Variants in MIA2 observed in about 807,000 individuals in gnomAD.
The protein encoded by MIA2 is MIA SH3 domain ER export factor 2.
MIA2 carries 127 observed loss-of-function variants against 167.8 expected under a neutral mutation model. The ratio of observed to expected loss-of-function variants is 0.76; its 90% CI spans 0.66 to 0.88. MIA2 has a LOEUF of 0.88. Among genes scored for constraint, MIA2 ranks in the 40% least tolerant of loss-of-function variants. The pLI is 0.00. For missense variants in MIA2, 1,690 were observed against 1,624.7 expected (o/e 1.04, Z -0.69); for synonymous variants, 552 against 541.9 (o/e 1.02, Z -0.26).
chr14:39,346,819 T>A lies in MIA2; in HGVS notation c.3778+793T>A, dbSNP rs147190556. The A allele has an allele frequency of 2.5e-3, 552 of 216,804 alleles. 3 individuals carry two copies. Among genetic ancestry groups the A allele is most frequent in the South Asian group, 8.3e-3 (133 of 16,110 alleles). 13.4% of individuals were successfully genotyped at this position (216,804 alleles called of 1,614,324 possible). A position where few individuals can be genotyped will look rare whatever the true frequency, so the allele number is the denominator to read the frequency against. ...TGAGGTTTCGACATGTTGTTGAGGC[T>A]GGTCTTGAACTCCTGGGCTCAAGCA... is the stretch of plus-strand genomic sequence containing the variant. On this transcript the variant is annotated intron_variant, in intron 26 of 28. Transcript: ENST00000640607.
chr14:39,274,491 T>C (rs12888153), intron 6 of MIA2, among the ~76,000 whole-genome samples: 138,616 of 148,970 alleles, frequency 0.93, 64,586 homozygotes, highest in East Asian at 0.96. Flanking sequence ...TGCAGTGGCG[T>C]GTTCTTGGCT....
At chr14:39,234,277 A>C (rs759321299) in intron 1 of MIA2, 48 bp downstream of exon 1, 1 of 1,193,014 alleles carries the variant, frequency 8.4e-7, no homozygotes, top group Non-Finnish European at 1.2e-6. Context: ...GAGGCTCTGC[A>C]ATGACATAAA....
downstream of MIA2, chr14:39,350,726 A>G (rs1326457682): frequency 3.3e-5 from 5 of 152,806 alleles, no homozygotes; most frequent in African/African-American, 1.2e-4. Context: ...TCCTTTTACC[A>G]ATAACTTTGA....
chr14:39,248,202 A>T, intron 4 of MIA2, 61 bp downstream of exon 4: 2 of 1,190,124 alleles, frequency 1.7e-6, no homozygotes, highest in Non-Finnish European at 2.2e-6. Flanking sequence ...TTATTTTTAT[A>T]AGTGCAAATC....
At chr14:39,299,068 TAAAAAAAAAAAAAAAAAA>T (rs3065043) in intron 13 of MIA2, among the ~76,000 whole-genome samples, 3 of 44,004 alleles carry the variant, frequency 6.8e-5, no homozygotes, top group Admixed American at 3.8e-4. Flanking sequence ...TCCCTGCCTC[TAAAAAAAAAAAAAAAAAA>T]AAAAAAAAAA....
intron 26 of MIA2, 61 bp downstream of exon 26, chr14:39,346,087 A>G: frequency 7.0e-7 from 1 of 1,435,500 alleles, no homozygotes; most frequent in Non-Finnish European, 9.7e-7. Flanking sequence ...AAGAACTGGA[A>G]GTTAGAATAA....
intron 9 of MIA2, among the ~76,000 whole-genome samples, chr14:39,289,363 C>T (rs1570133): frequency 0.35 from 52,473 of 151,772 alleles, 10,797 homozygotes; most frequent in Non-Finnish European, 0.46. Context: ...TACGAGTACA[C>T]GTCACCACGC....
In MIA2 at chr14:39,298,465, C is replaced by T. The variant is rs540314465; in HGVS notation, c.2497-1399C>T. Among the ~76,000 whole-genome samples the T allele has an allele frequency of 3.0e-4, 6 of 19,834 alleles. 1 individual carries two copies. In the East Asian group the frequency reaches 9.3e-3, roughly 31 times the overall value. 13.0% of individuals were successfully genotyped at this position (19,834 alleles called of 152,430 possible). A position where few individuals can be genotyped will look rare whatever the true frequency, so the allele number is the denominator to read the frequency against. On this transcript the variant is annotated intron_variant, in intron 13 of 28. Coordinates refer to ENST00000640607, the MANE Select transcript of MIA2 (RefSeq NM_001329214.4). ...TATAAAGATTAGTTTTTCATGTGTTCGGAATACGCTAATGAAGCCTTAGTT... is the reference window on the plus strand; with the variant it reads ...TATAAAGATTAGTTTTTCATGTGTTTGGAATACGCTAATGAAGCCTTAGTT...
At chr14:39,271,556 C>CA (rs552278884) in intron 6 of MIA2, among the ~76,000 whole-genome samples, 49 of 151,826 alleles carry the variant, frequency 3.2e-4, no homozygotes, top group Non-Finnish European at 6.8e-4. Flanking sequence ...TCCATTTCTG[C>CA]AAAAAAGGCA....
chr14:39,386,916 G>A (rs926847019), exon 24 of MIA2: 11 of 779,578 alleles, frequency 1.4e-5, no homozygotes, highest in East Asian at 2.5e-5. Context: ...CAGGAGCCCC[G>A]GCTTCAGGTA....
intron 23 of MIA2, chr14:39,386,316 G>T: frequency 6.7e-7 from 1 of 1,486,744 alleles, no homozygotes; most frequent in South Asian, 1.1e-5. Context: ...ACTGTGCTGG[G>T]ACCATCACTG....
chr14:39,324,491 A>G (rs1444702211), intron 24 of MIA2, among the ~76,000 whole-genome samples: 4 of 152,270 alleles, frequency 2.6e-5, no homozygotes, highest in African/African-American at 4.8e-5. Context: ...AGATTACTAT[A>G]TATTAAATGT....
rs1243468701 is a variant in MIA2 at position 39,234,179 on chromosome 14, G to A, written c.65G>A (p.Ser22Asn). The stretch of plus-strand genomic sequence containing the variant: ...ATTTCTCTGACAAAGTGTCTGGAGA[G>A]TACAAAACTGCTGGCAGACCTTAAA... The part of the protein sequence containing the change: ...LAISLTKCLE[S>N]TKLLADLKKC... Residue 22 changes from serine to asparagine, a missense_variant, in exon 1 of 29, where the codon AGT (serine) becomes AAT (asparagine). Ser to Asn is a conservative substitution (Grantham distance 46). Transcript: ENST00000640607. 1.9e-6 allele frequency: 3 copies of A among 1,610,056 alleles called. No individual in the cohort carries two copies. The highest frequency in any genetic ancestry group is 2.5e-6 in the Non-Finnish European group (3 of 1,178,524).
intron 23 of MIA2, among the ~76,000 whole-genome samples, chr14:39,359,492 G>T (rs2074623386): frequency 6.6e-6 from 1 of 152,162 alleles, no homozygotes; most frequent in Non-Finnish European, 1.5e-5. Flanking sequence ...CTGACTCCTT[G>T]CGCTTCCCAG....
At chr14:39,284,045 T>G (rs1220618478) in intron 9 of MIA2, among the ~76,000 whole-genome samples, 1 of 152,178 alleles carries the variant, frequency 6.6e-6, no homozygotes, top group African/African-American at 2.4e-5. Flanking sequence ...TTGCAAAAGC[T>G]TTTTAGTTTG....
chr14:39,260,617 A>G (rs535149142), intron 6 of MIA2, among the ~76,000 whole-genome samples: 13 of 152,342 alleles, frequency 8.5e-5, no homozygotes, highest in African/African-American at 3.1e-4. Context: ...GACCTTTGTC[A>G]GATGGGTAGA....
At chr14:39,268,926 T>G in intron 6 of MIA2, 1 of 843,600 alleles carries the variant, frequency 1.2e-6, no homozygotes, top group African/African-American at 1.8e-5. Context: ...AGAAGCATAT[T>G]TCCCTTTCTT....
chr14:39,328,295 C>T (rs559992347), intron 25 of MIA2, among the ~76,000 whole-genome samples: 16 of 152,140 alleles, frequency 1.1e-4, no homozygotes, highest in Admixed American at 3.3e-4. Context: ...TCATATCCTT[C>T]GCCCACTTTT....
At chr14:39,351,642 G>C (rs906317058), downstream of MIA2, among the ~76,000 whole-genome samples, 2 of 152,052 alleles carry the variant, frequency 1.3e-5, no homozygotes, top group East Asian at 3.9e-4. Context: ...GCTCAAGGGA[G>C]CTTGTTCACC....
Sources: gnomAD v4.1 joint callset for allele counts (sites outside exome capture counted in the v4.1 genomes callset) on GRCh38, gnomAD v4.1.1 for gene constraint, MANE v1.5 for transcripts, NCBI Gene and HGNC (gene_info 2026-07-23, HGNC 2026-07-21) for gene names.